The following PARD3B variants were observed in gnomAD, a reference collection of about 807,000 sequenced individuals.
PARD3B encodes the protein partitioning defective 3 homolog B.
A neutral mutation model predicts 130.2 loss-of-function variants in PARD3B; 103 were observed. The ratio of observed to expected loss-of-function variants is 0.79; its 90% CI spans 0.67 to 0.93. PARD3B has a LOEUF of 0.93. Ranked by LOEUF, PARD3B falls within the 40% of genes least tolerant of loss-of-function variation. The pLI, the probability that PARD3B is intolerant of heterozygous loss-of-function variation, is 0.00. For synonymous variants in PARD3B, 583 were observed against 553.2 expected (o/e 1.05, Z -0.76); for missense variants, 1,609 against 1,499.2 (o/e 1.07, Z -1.21).
intron 16 of PARD3B, among the ~76,000 whole-genome samples, chr2:205,278,127 A>G (rs1473093807): frequency 1.3e-5 from 2 of 152,136 alleles, no homozygotes; most frequent in African/African-American, 4.8e-5. Context: ...GGACTGAAAG[A>G]AGTTTATTGG....
At position 205,552,873 on chromosome 2, in the gene PARD3B, A is replaced by G. The variant is rs371377651; in HGVS notation, c.3181-451A>G. Among the ~76,000 whole-genome samples, 87 of 152,334 alleles carry G rather than the reference A, an allele frequency of 5.7e-4. 2 individuals are homozygous for G. Among genetic ancestry groups the G allele is most frequent in the African/African-American group, 1.9e-3 (80 of 41,580 alleles). On this transcript the variant is annotated intron_variant, in intron 21 of 22. Transcript: ENST00000406610. ...GACTTTAGTTAACAATAATGTATCA[A>G]TATGGATTAATTGTAAGAAATGTGC...
chr2:205,222,367 C>T (rs1458591125), intron 15 of PARD3B, among the ~76,000 whole-genome samples: 1 of 152,120 alleles, frequency 6.6e-6, no homozygotes, highest in African/African-American at 2.4e-5. Flanking sequence ...CCCTGCTGTT[C>T]CACGTACAAA....
At chr2:204,803,793 A>G (rs1326541169) in intron 2 of PARD3B, among the ~76,000 whole-genome samples, 2 of 152,210 alleles carry the variant, frequency 1.3e-5, no homozygotes, top group Non-Finnish European at 2.9e-5. Flanking sequence ...GAAAGAAGGA[A>G]GGAGGAGACC....
At chr2:204,636,650 C>G (rs1370246393) in intron 1 of PARD3B, among the ~76,000 whole-genome samples, 2 of 152,174 alleles carry the variant, frequency 1.3e-5, no homozygotes, top group African/African-American at 4.8e-5. Context: ...AGTTACCCTC[C>G]TGCCATCTTG....
At chr2:205,308,709 G>C (rs1490517632) in intron 18 of PARD3B, among the ~76,000 whole-genome samples, 1 of 152,108 alleles carries the variant, frequency 6.6e-6, no homozygotes, top group Non-Finnish European at 1.5e-5. Flanking sequence ...GGAGTGAAGG[G>C]GATATTCACT....
chr2:205,052,187 A>T (rs527455516), intron 4 of PARD3B, among the ~76,000 whole-genome samples: 1 of 152,072 alleles, frequency 6.6e-6, no homozygotes, highest in East Asian at 1.9e-4. Context: ...TATCCGGTTA[A>T]CTAGCAAGGT....
At chr2:204,552,119 C>A (rs1301433804) in intron 1 of PARD3B, among the ~76,000 whole-genome samples, 2 of 152,198 alleles carry the variant, frequency 1.3e-5, no homozygotes, top group African/African-American at 4.8e-5. Context: ...CTGATGGGTT[C>A]TGTCAGCTGC....
rs144566946 is a variant in PARD3B at position 205,558,395 on chromosome 2, G to A, written c.3260+4992G>A. Among the ~76,000 whole-genome samples, 310 of 152,234 alleles carry A rather than the reference G, an allele frequency of 2.0e-3. 1 individual carries two copies. Among genetic ancestry groups the A allele is most frequent in the Admixed American group, 4.8e-3 (74 of 15,302 alleles). On this transcript the variant is annotated intron_variant, in intron 22 of 22. Transcript: ENST00000406610. The surrounding 1 kb of genome is among the most constrained non-coding windows in gnomAD (Gnocchi z 4.8). ...AAGATACTCCTATTATCTCAGGACC[G>A]GGCAGTGCTGAACATGCAACTACCA...
chr2:205,038,812 T>C (rs1698187779), intron 3 of PARD3B, among the ~76,000 whole-genome samples: 1 of 152,204 alleles, frequency 6.6e-6, no homozygotes, highest in Non-Finnish European at 1.5e-5. Flanking sequence ...AAAAATGATA[T>C]GAAATGTCAG....
chr2:205,192,502 T>C (rs1423531436), intron 14 of PARD3B, among the ~76,000 whole-genome samples: 1 of 152,194 alleles, frequency 6.6e-6, no homozygotes, highest in Non-Finnish European at 1.5e-5. Flanking sequence ...GTAATTCTCT[T>C]ATGTAATACC....
chr2:205,413,897 T>C (rs894881181), intron 19 of PARD3B, among the ~76,000 whole-genome samples: 5 of 152,182 alleles, frequency 3.3e-5, no homozygotes, highest in African/African-American at 1.2e-4. Context: ...AAATTAGTTT[T>C]AAGTACCATT....
chr2:204,920,095 G>A (rs537042644), intron 2 of PARD3B, among the ~76,000 whole-genome samples: 3 of 152,160 alleles, frequency 2.0e-5, no homozygotes, highest in Admixed American at 2.0e-4. Flanking sequence ...GAACAATTAC[G>A]GTGTTCCAGG....
At chr2:204,834,179 C>T (rs963976777) in intron 2 of PARD3B, among the ~76,000 whole-genome samples, 1 of 152,126 alleles carries the variant, frequency 6.6e-6, no homozygotes, top group Non-Finnish European at 1.5e-5. Context: ...TTTGTGGTAT[C>T]TCTGATTGTT....
At chr2:204,560,484 A>C (rs2031236886) in intron 1 of PARD3B, among the ~76,000 whole-genome samples, 1 of 150,404 alleles carries the variant, frequency 6.6e-6, no homozygotes, top group South Asian at 2.1e-4. Context: ...GAAGTTGAGC[A>C]GGTTTCACTC....
chr2:205,127,358 C>T (rs1460963743), intron 10 of PARD3B, among the ~76,000 whole-genome samples: 2 of 142,164 alleles, frequency 1.4e-5, no homozygotes, highest in Non-Finnish European at 1.6e-5. Context: ...TAGCTAATAA[C>T]AAATAGAAAC....
In PARD3B at chr2:204,648,635, ATATATATTATATATAT is replaced by A. The variant is rs1460919196; in HGVS notation, c.121-37545_121-37530del. 3.4e-5 allele frequency among the ~76,000 whole-genome samples: 4 copies of A among 118,692 alleles called. No homozygotes were observed. The East Asian group carries it at 8.7e-4, about 26-fold the overall frequency. The allele number at this position is 118,692 out of a possible 152,430, so 77.9% of individuals were successfully genotyped here. A position where few individuals can be genotyped will look rare whatever the true frequency, so the allele number is the denominator to read the frequency against. ...TTATATATACTATAATTTATATATAATATATATTATATATATAATATATTTATAATATATATCATAT... is the reference window on the plus strand; with the variant it reads ...TTATATATACTATAATTTATATATAAAATATATTTATAATATATATCATAT... On this transcript the variant is annotated intron_variant, in intron 1 of 22. Transcript: ENST00000406610.
chr2:205,356,919 A>C (rs1218593286), intron 18 of PARD3B, among the ~76,000 whole-genome samples: 1 of 151,964 alleles, frequency 6.6e-6, no homozygotes, highest in Non-Finnish European at 1.5e-5. Context: ...GAAGACAAAA[A>C]GAACATCATT....
At chr2:204,713,187 A>G (rs1054275937) in intron 2 of PARD3B, among the ~76,000 whole-genome samples, 1 of 152,066 alleles carries the variant, frequency 6.6e-6, no homozygotes, top group Non-Finnish European at 1.5e-5. Flanking sequence ...ATGGGCAAGA[A>G]TGTATATCTA....
chr2:204,596,196 T>C lies in PARD3B; in HGVS notation c.120+50077T>C, dbSNP rs949572574. On this transcript the variant is annotated intron_variant, in intron 1 of 22. Coordinates refer to ENST00000406610, the MANE Select transcript of PARD3B (RefSeq NM_001302769.2). ...AACCATGATTTCCTCCTTTTTTGCT[T>C]TGAACAAACTTTTTGTGAAAAATTT... 2.0e-5 allele frequency among the ~76,000 whole-genome samples: 3 copies of C among 152,178 alleles called. No individual in the cohort carries two copies. In the South Asian group the frequency reaches 6.2e-4, roughly 32 times the overall value.
Sources: gnomAD v4.1 joint callset for allele counts (sites outside exome capture counted in the v4.1 genomes callset) on GRCh38, gnomAD v4.1.1 for gene constraint, Gnocchi (gnomAD v3.1) non-coding constraint, MANE v1.5 for transcripts, NCBI Gene and HGNC (gene_info 2026-07-23, HGNC 2026-07-21) for gene names.